Variants in TMCC1 observed in about 807,000 individuals in gnomAD.
TMCC1 encodes transmembrane and coiled-coil domains protein 1.
In TMCC1, 15 loss-of-function variants were observed where a neutral mutation model predicts 52.4. The observed-to-expected ratio is 0.29, with a 90% CI of 0.19 to 0.44. TMCC1 has a LOEUF of 0.44. TMCC1 is among the 20% of genes least tolerant of loss of function. TMCC1 has a pLI of 1.00. For synonymous variants in TMCC1, 279 were observed against 301.9 expected, an observed-to-expected ratio of 0.92 and a Z score of 0.79; for missense variants, 503 against 806.0, an observed-to-expected ratio of 0.62 and a Z score of 4.55.
intron 6 of TMCC1, among the ~76,000 whole-genome samples, chr3:129,652,204 C>T (rs972366524): frequency 7.9e-5 from 12 of 152,192 alleles, no homozygotes; most frequent in African/African-American, 2.9e-4. Flanking sequence ...GTCCCTGAGG[C>T]AGTACTGTTT....
intron 6 of TMCC1, 38 bp downstream of exon 6, chr3:129,654,930 A>C (rs763784495): frequency 1.2e-6 from 2 of 1,605,244 alleles, no homozygotes; most frequent in East Asian, 4.5e-5. Context: ...TTCTAACCCT[A>C]CTGTATTTTG....
intron 4 of TMCC1, among the ~76,000 whole-genome samples, chr3:129,802,852 T>C (rs569669800): frequency 2.0e-5 from 3 of 152,224 alleles, no homozygotes; most frequent in Non-Finnish European, 4.4e-5. Flanking sequence ...AAAGTCTCTC[T>C]AATCTTCTGT....
intron 4 of TMCC1, among the ~76,000 whole-genome samples, chr3:129,730,752 A>C (rs1397349272): frequency 6.6e-6 from 1 of 152,252 alleles, no homozygotes. Flanking sequence ...GCCTACAAAG[A>C]ACTGTGTGTA....
chr3:129,665,865 C>T (rs934702464), intron 5 of TMCC1, among the ~76,000 whole-genome samples: 4 of 152,206 alleles, frequency 2.6e-5, no homozygotes, highest in African/African-American at 9.6e-5. Context: ...GTAGGGCCTA[C>T]TGTGAGGATT....
chr3:129,729,962 C>T (rs1256647544), intron 4 of TMCC1, among the ~76,000 whole-genome samples: 1 of 151,950 alleles, frequency 6.6e-6, no homozygotes, highest in Non-Finnish European at 1.5e-5. Flanking sequence ...GAGACCTTGT[C>T]TCTGCTTTTA....
At chr3:129,752,525 G>C (rs1372060748) in intron 4 of TMCC1, among the ~76,000 whole-genome samples, 1 of 151,966 alleles carries the variant, frequency 6.6e-6, no homozygotes, top group African/African-American at 2.4e-5. Flanking sequence ...ATTTAGCCAG[G>C]TGTGGTGGTG....
chr3:129,864,706 C>T (rs1032480779), intron 2 of TMCC1, among the ~76,000 whole-genome samples: 1 of 152,168 alleles, frequency 6.6e-6, no homozygotes, highest in African/African-American at 2.4e-5. Context: ...TCACACCCTG[C>T]ATTCTAGCCT....
At chr3:129,848,659 C>A (rs2059775173) in intron 2 of TMCC1, among the ~76,000 whole-genome samples, 1 of 152,146 alleles carries the variant, frequency 6.6e-6, no homozygotes, top group Admixed American at 6.6e-5. Context: ...GTTGAAAGTA[C>A]AAGAAAATAC....
At chr3:129,765,072 G>T (rs1414033023) in intron 4 of TMCC1, among the ~76,000 whole-genome samples, 4 of 150,734 alleles carry the variant, frequency 2.7e-5, no homozygotes, top group African/African-American at 9.7e-5. Flanking sequence ...AAAGCATTGG[G>T]ATTACAGGCA....
intron 2 of TMCC1, among the ~76,000 whole-genome samples, chr3:129,858,933 A>G (rs949876211): frequency 2.0e-5 from 3 of 152,250 alleles, no homozygotes; most frequent in African/African-American, 4.8e-5. Flanking sequence ...TTCATTTTAA[A>G]TAAGTGATTA....
chr3:129,776,991 G>A (rs375225726), intron 4 of TMCC1, among the ~76,000 whole-genome samples: 2 of 152,088 alleles, frequency 1.3e-5, no homozygotes, highest in African/African-American at 4.8e-5. Flanking sequence ...GTGGTCAATC[G>A]AGTCAGGTAT....
intron 4 of TMCC1, among the ~76,000 whole-genome samples, chr3:129,817,387 T>G (rs2058150773): frequency 6.6e-6 from 1 of 152,134 alleles, no homozygotes; most frequent in African/African-American, 2.4e-5. Flanking sequence ...AGATCAAGGC[T>G]GCAGTGAGCC....
At position 129,670,883 on chromosome 3, in the gene TMCC1, C is replaced by T. The variant is rs751334754; in HGVS notation, c.958G>A (p.Asp320Asn). The stretch of plus-strand genomic sequence containing the variant: ...CCCTGGTGCATGTCCCTGAAGACAT[C>T]CTTTGGCTGCCGGGGGATCCCATTC... ...EQNGIPRQPK[D>N]VFRDMHQGLK... The change falls in exon 5 of 7, where the codon GAT becomes AAT. Residue 320 changes from aspartate (D) to asparagine (N), a missense_variant. Asp to Asn is a conservative substitution (Grantham distance 23, BLOSUM62 1). This residue lies in a region of TMCC1 where 73 missense variants were observed against 182.9 expected (regional missense o/e 0.40). Coordinates refer to ENST00000393238, the MANE Select transcript of TMCC1 (RefSeq NM_001017395.5). 6.2e-7 allele frequency: 1 copy of T among 1,614,196 alleles called. No homozygotes were observed. Among genetic ancestry groups the T allele is most frequent in the Non-Finnish European group, 8.5e-7 (1 of 1,180,028 alleles).
chr3:129,838,825 C>G (rs1431884608), intron 2 of TMCC1, among the ~76,000 whole-genome samples: 1 of 147,718 alleles, frequency 6.8e-6, no homozygotes, highest in Admixed American at 6.8e-5. Context: ...GCCAAAGGCT[C>G]TTGAAGGCAG....
chr3:129,873,950 A>G (rs1324285171), intron 2 of TMCC1, among the ~76,000 whole-genome samples: 1 of 152,178 alleles, frequency 6.6e-6, no homozygotes, highest in Non-Finnish European at 1.5e-5. Context: ...TGTATGAGGG[A>G]AAAAAGCAAG....
intron 4 of TMCC1, among the ~76,000 whole-genome samples, chr3:129,808,754 A>G (rs2057615448): frequency 6.6e-6 from 1 of 151,238 alleles, no homozygotes; most frequent in African/African-American, 2.4e-5. Context: ...GAAAAAGATA[A>G]TAAGAAAGCT....
intron 4 of TMCC1, among the ~76,000 whole-genome samples, chr3:129,727,150 C>T (rs996010584): frequency 6.6e-6 from 1 of 151,976 alleles, no homozygotes; most frequent in Non-Finnish European, 1.5e-5. Context: ...GAACAAAAAA[C>T]AAAAACTCTT....
chr3:129,696,130 A>G (rs569034130), intron 4 of TMCC1, among the ~76,000 whole-genome samples: 12 of 152,222 alleles, frequency 7.9e-5, no homozygotes, highest in Non-Finnish European at 1.5e-4. Context: ...AGATTAACTG[A>G]GAGTCTAGCA....
chr3:129,777,003 C>T (rs1010286699), intron 4 of TMCC1, among the ~76,000 whole-genome samples: 1 of 152,142 alleles, frequency 6.6e-6, no homozygotes, highest in Non-Finnish European at 1.5e-5. Context: ...GTCAGGTATA[C>T]ATTCAACGAA....
Sources: gnomAD v4.1 joint callset for allele counts (sites outside exome capture counted in the v4.1 genomes callset) on GRCh38, gnomAD v4.1.1 for gene constraint, gnomAD v4.1.1 regional missense constraint, MANE v1.5 for transcripts, NCBI Gene and HGNC (gene_info 2026-07-23, HGNC 2026-07-21) for gene names.